RAD51C: variants seen among roughly 807,000 people sequenced by gnomAD.
The protein encoded by RAD51C is DNA repair protein RAD51 homolog 3.
RAD51C carries 42 observed loss-of-function variants against 45.0 expected under a neutral mutation model. The observed-to-expected ratio is 0.93, with a 90% confidence interval of 0.73 to 1.21. The LOEUF (loss-of-function observed/expected upper bound fraction) is 1.21. RAD51C is among the 50% of genes most tolerant of loss of function. The pLI is 0.00. For missense variants in RAD51C, 474 were observed against 452.2 expected (o/e 1.05, Z -0.44); for synonymous variants, 172 against 159.8 (o/e 1.08, Z -0.58).
rs770175762 is a variant in RAD51C at position 58,692,834 on chromosome 17, C to A, written c.145+46C>A. ...GCTGAGGCACACCGGCCGCCGTCAG[C>A]GCCGCCTCAGTCTTCGTTCTCTCGC... On this transcript the variant is annotated intron_variant, in intron 1 of 8. Coordinates refer to ENST00000337432, the MANE Select transcript of RAD51C (RefSeq NM_058216.3). 3.1e-6 allele frequency: 5 copies of A among 1,613,506 alleles called. No individual in the cohort carries two copies. In the South Asian group the frequency reaches 4.4e-5, roughly 14 times the overall value.
At position 58,694,975 on chromosome 17, in the gene RAD51C, A is replaced by T. The variant is rs770335248; in HGVS notation, c.190A>T (p.Ile64Phe). The part of the protein sequence containing the change: ...KAEALETLQI[I>F]RRECLTNKPR... Reference sequence around the variant, plus strand: ...AGAAGCCTTAGAAACTCTGCAAATTATCAGAAGAGAATGTCTCACAAATAA... The same window carrying T: ...AGAAGCCTTAGAAACTCTGCAAATTTTCAGAAGAGAATGTCTCACAAATAA... The change falls in exon 2 of 9, where the codon ATC (isoleucine) becomes TTC (phenylalanine). Residue 64 changes from isoleucine to phenylalanine, a missense_variant. Transcript: ENST00000337432. The T allele has an allele frequency of 4.3e-6, 7 of 1,614,202 alleles. No individual in the cohort carries two copies. The highest frequency in any genetic ancestry group is 4.2e-6 in the Non-Finnish European group (5 of 1,180,014).
At chr17:58,714,159 A>AT (rs1311303134) in intron 5 of RAD51C, among the ~76,000 whole-genome samples, 3 of 151,416 alleles carry the variant, frequency 2.0e-5, no homozygotes, top group Non-Finnish European at 2.9e-5. Context: ...TAATTTTTGT[A>AT]TTTTTAGTAG....
chr17:58,696,663 T>G, intron 2 of RAD51C, 30 bp from the exon 3 acceptor site: 2 of 1,613,988 alleles, frequency 1.2e-6, no homozygotes, highest in Non-Finnish European at 1.7e-6. Flanking sequence ...ATCATCATGA[T>G]TTGGTTGTTT....
At chr17:58,723,463 C>G (rs1433077224) in intron 6 of RAD51C, among the ~76,000 whole-genome samples, 2 of 151,866 alleles carry the variant, frequency 1.3e-5, no homozygotes, top group African/African-American at 2.4e-5. Flanking sequence ...ATGCTCTCCC[C>G]CCAAGAGGCA....
rs181444396 is a variant in RAD51C, at chr17:58,692,620, C to G, written c.-24C>G. ...CGAGGGCGTGCGGAGTTTGGCTGCT[C>G]CGGGGTTAGCAGGTGAGCCTGCGAT... On this transcript the variant is annotated 5_prime_UTR_variant, in exon 1 of 9. Transcript: ENST00000337432. 2.5e-6 allele frequency: 4 copies of G among 1,613,386 alleles called. No individual in the cohort carries two copies. The highest frequency in any genetic ancestry group is 3.4e-6 in the Non-Finnish European group (4 of 1,180,008).
chr17:58,733,845 A>G (rs1459739486), intron 8 of RAD51C, among the ~76,000 whole-genome samples: 1 of 152,080 alleles, frequency 6.6e-6, no homozygotes, highest in African/African-American at 2.4e-5. Flanking sequence ...CAGCCTCCAG[A>G]GTAGCTGGGA....
At chr17:58,723,997 A>G (rs767547386) in intron 6 of RAD51C, 43 bp from the exon 7 acceptor site, 1 of 1,514,232 alleles carries the variant, frequency 6.6e-7, no homozygotes, top group African/African-American at 1.4e-5. Flanking sequence ...TGTATAACCA[A>G]GTCAGTAAGG....
intron 4 of RAD51C, 34 bp from the exon 5 acceptor site, chr17:58,709,825 G>C (rs375016739): frequency 1.3e-6 from 2 of 1,566,694 alleles, no homozygotes; most frequent in East Asian, 4.5e-5. Flanking sequence ...TTTATTTTTC[G>C]TAACAAATCT....
intron 5 of RAD51C, among the ~76,000 whole-genome samples, chr17:58,711,546 G>A (rs1451580300): frequency 3.3e-5 from 5 of 151,936 alleles, no homozygotes; most frequent in African/African-American, 9.7e-5. Context: ...CCACAGCCTC[G>A]ACATCTCGGG....
rs35483724 is a variant in RAD51C at position 58,730,164 on chromosome 17, C to CTT, written c.966-2303_966-2302dup. ...TATAATTCCACTCAACACAGCTGTT[C>CTT]TTTTTTTTTTTTTTTTTTGAGATGG... On this transcript the variant is annotated intron_variant, in intron 7 of 8. Transcript: ENST00000337432. Among the ~76,000 whole-genome samples the CTT allele has an allele frequency of 2.6e-3, 323 of 121,890 alleles. 5 individuals carry two copies. The highest frequency in any genetic ancestry group is 5.4e-3 in the South Asian group (21 of 3,858). 80.0% of individuals were successfully genotyped at this position (121,890 alleles called of 152,430 possible).
intron 5 of RAD51C, among the ~76,000 whole-genome samples, chr17:58,714,208 C>T (rs1038500333): frequency 1.3e-5 from 2 of 152,122 alleles, no homozygotes; most frequent in African/African-American, 4.8e-5. Context: ...TGGTCTCAAA[C>T]TCCTGACCTC....
chr17:58,695,048 T>G lies in RAD51C; in HGVS notation c.263T>G (p.Leu88Arg). 2 of 1,614,114 alleles carry G rather than the reference T, an allele frequency of 1.2e-6. No individual in the cohort carries two copies. The highest frequency in any genetic ancestry group is 2.7e-5 in the African/African-American group (2 of 75,044). Residue 88 changes from leucine (L) to arginine (R), a missense_variant, in exon 2 of 9, where the codon CTG (leucine) becomes CGG (arginine). Leu to Arg is a moderately radical substitution (Grantham distance 102). Transcript: ENST00000337432. ...GAGTCACACAAGAAGTGTACAGCAC[T>G]GGAACTTCTTGAGCAGGAGCATACC... Reference protein sequence around the residue: ...TSESHKKCTALELLEQEHTQG... With the variant: ...TSESHKKCTARELLEQEHTQG...
rs1489733651 is a variant in RAD51C, at chr17:58,723,724, T to C, written c.905-316T>C. ...GATGTCAAAAAAAAAAAAAGAATATTCTACCAGAGTTTTTACTTTTCTTCT... is the reference window on the plus strand; with the variant it reads ...GATGTCAAAAAAAAAAAAAGAATATCCTACCAGAGTTTTTACTTTTCTTCT... On this transcript the variant is annotated intron_variant, in intron 6 of 8. Coordinates refer to ENST00000337432, the MANE Select transcript of RAD51C (RefSeq NM_058216.3). Among the ~76,000 whole-genome samples, 2 of 152,244 alleles carry C rather than the reference T, an allele frequency of 1.3e-5. 1 individual carries two copies. The highest frequency in any genetic ancestry group is 3.9e-4 in the East Asian group (2 of 5,182).
chr17:58,698,031 A>G (rs1424185014), intron 3 of RAD51C, among the ~76,000 whole-genome samples: 1 of 149,372 alleles, frequency 6.7e-6, no homozygotes, highest in Non-Finnish European at 1.5e-5. Flanking sequence ...TTCTTTTTTG[A>G]GACAGAGTCT....
chr17:58,709,599 A>G, intron 4 of RAD51C: 1 of 337,728 alleles, frequency 3.0e-6, no homozygotes, highest in Non-Finnish European at 5.5e-6. Context: ...GGTTGGATTA[A>G]AGAAGAGGCT....
intron 1 of RAD51C, chr17:58,694,570 G>A (rs1436520482): frequency 6.0e-6 from 2 of 333,026 alleles, no homozygotes; most frequent in East Asian, 7.7e-5. Flanking sequence ...CAGTGGTGCA[G>A]GTTCAAGTGA....
In RAD51C at chr17:58,706,523, G is replaced by A. The variant is rs375426553; in HGVS notation, c.705+3194G>A. On this transcript the variant is annotated intron_variant, in intron 4 of 8. Coordinates refer to ENST00000337432, the MANE Select transcript of RAD51C (RefSeq NM_058216.3). The stretch of plus-strand genomic sequence containing the variant: ...AGTAGCAGAATCACCCTACTGCTCT[G>A]TGGGGTGGCCCTGCCCCTTCCTCTC... 3.0e-4 allele frequency: 141 copies of A among 464,188 alleles called. No homozygotes were observed. The East Asian group carries it at 7.7e-3, about 25-fold the overall frequency. The allele number at this position is 464,188 out of a possible 1,614,324, so 28.8% of individuals were successfully genotyped here.
intron 4 of RAD51C, among the ~76,000 whole-genome samples, chr17:58,708,758 C>T (rs905026099): frequency 6.6e-6 from 1 of 151,574 alleles, no homozygotes; most frequent in African/African-American, 2.4e-5. Context: ...GAGTGCATGG[C>T]AGGGTTTCAC....
At chr17:58,725,512 A>G (rs879800491) in intron 7 of RAD51C, among the ~76,000 whole-genome samples, 1 of 152,212 alleles carries the variant, frequency 6.6e-6, no homozygotes, top group Non-Finnish European at 1.5e-5. Flanking sequence ...ATTTAAGAAG[A>G]AAAATAATAG....
Sources: gnomAD v4.1 joint callset for allele counts (sites outside exome capture counted in the v4.1 genomes callset) on GRCh38, gnomAD v4.1.1 for gene constraint, MANE v1.5 for transcripts, NCBI Gene and HGNC (gene_info 2026-07-23, HGNC 2026-07-21) for gene names.